PAMR1: variants seen among roughly 807,000 people sequenced by gnomAD.
The protein encoded by PAMR1 is peptidase domain containing associated with muscle regeneration 1, also known as inactive serine protease PAMR1.
A neutral mutation model predicts 81.8 loss-of-function variants in PAMR1; 88 were observed. The observed-to-expected ratio is 1.08, with a 90% CI of 0.91 to 1.28. The LOEUF is 1.28. PAMR1 is among the 50% of genes most tolerant of loss of function. The probability of loss-of-function intolerance (pLI) is 0.00; values close to 1 mark genes in which losing one functional copy is unlikely to be tolerated. For synonymous variants in PAMR1, 336 were observed against 345.3 expected, an observed-to-expected ratio of 0.97 and a Z score of 0.30; for missense variants, 935 against 919.7, an observed-to-expected ratio of 1.02 and a Z score of -0.21.
chr11:35,501,965 T>C (rs552565032), intron 1 of PAMR1, among the ~76,000 whole-genome samples: 3 of 152,300 alleles, frequency 2.0e-5, no homozygotes, highest in Non-Finnish European at 2.9e-5. Context: ...CTGGATCACA[T>C]GGTAGTTCTA....
intron 6 of PAMR1, among the ~76,000 whole-genome samples, chr11:35,455,694 A>T (rs1019014427): frequency 1.1e-4 from 16 of 152,120 alleles, no homozygotes; most frequent in African/African-American, 3.6e-4. Flanking sequence ...TTAACTATTG[A>T]TTTGATTCAT....
intron 7 of PAMR1, 103 bp downstream of exon 7, chr11:35,441,378 G>A: frequency 3.8e-6 from 3 of 790,834 alleles, no homozygotes; most frequent in Non-Finnish European, 6.4e-6. Flanking sequence ...GGACTTAAAA[G>A]AGAAAGGCAT....
chr11:35,527,869 T>A (rs577101253), upstream of PAMR1, among the ~76,000 whole-genome samples: 2 of 152,270 alleles, frequency 1.3e-5, no homozygotes, highest in South Asian at 4.1e-4. Flanking sequence ...ACCTTACTCC[T>A]AAACCACCAG....
chr11:35,513,390 C>A (rs1389363977), intron 1 of PAMR1: 2 of 152,172 alleles, frequency 1.3e-5, no homozygotes, highest in Non-Finnish European at 2.9e-5. Flanking sequence ...GTAGCAGAGA[C>A]AGGATTCAAA....
intron 9 of PAMR1, among the ~76,000 whole-genome samples, chr11:35,435,590 C>T (rs955439601): frequency 6.6e-6 from 1 of 152,066 alleles, no homozygotes; most frequent in Non-Finnish European, 1.5e-5. Flanking sequence ...AACAGGGTAG[C>T]CAAGATTATA....
intron 1 of PAMR1, among the ~76,000 whole-genome samples, 163 bp from the exon 2 acceptor site, chr11:35,494,435 G>A (rs1484569548): frequency 6.6e-6 from 1 of 152,180 alleles, no homozygotes; most frequent in African/African-American, 2.4e-5. Flanking sequence ...CCGGGTTCAC[G>A]CCATTCTCCT....
intron 5 of PAMR1, among the ~76,000 whole-genome samples, chr11:35,468,890 A>G (rs1249810376): frequency 1.3e-5 from 2 of 152,208 alleles, no homozygotes; most frequent in Non-Finnish European, 2.9e-5. Context: ...GTAGAAGTAT[A>G]TTCCTTGGCT....
chr11:35,438,282 G>C (rs1170890481), intron 8 of PAMR1, among the ~76,000 whole-genome samples: 1 of 152,100 alleles, frequency 6.6e-6, no homozygotes, highest in Non-Finnish European at 1.5e-5. Context: ...GTAATAAAAT[G>C]GTGATAACAA....
chr11:35,438,491 A>G (rs754806039), intron 8 of PAMR1, among the ~76,000 whole-genome samples: 2 of 152,238 alleles, frequency 1.3e-5, no homozygotes, highest in Non-Finnish European at 2.9e-5. Flanking sequence ...CAGCAGGTTT[A>G]GGAACTTGCC....
rs200076739 is a variant in PAMR1, at chr11:35,445,324, C to T, written c.821-3631G>A. On this transcript the variant is annotated intron_variant, in intron 6 of 10. Coordinates refer to ENST00000619888, the MANE Select transcript of PAMR1 (RefSeq NM_001001991.3). ...GACTTCCTCTCTTCCTGTCTGAATA[C>T]ACTTTATTTCTTTCTCTTGCCTGAT... Among the ~76,000 whole-genome samples, 9 of 152,288 alleles carry T rather than the reference C, an allele frequency of 5.9e-5. No homozygotes were observed. The East Asian group carries it at 1.2e-3, about 20-fold the overall frequency.
chr11:35,448,259 C>T (rs890498159), intron 6 of PAMR1, among the ~76,000 whole-genome samples: 1 of 152,152 alleles, frequency 6.6e-6, no homozygotes, highest in Admixed American at 6.5e-5. Flanking sequence ...CTCCATTCTC[C>T]CTGTCTCTTT....
intron 3 of PAMR1, among the ~76,000 whole-genome samples, chr11:35,481,706 A>T (rs1850396607): frequency 6.6e-6 from 1 of 152,140 alleles, no homozygotes; most frequent in African/African-American, 2.4e-5. Flanking sequence ...TGTTTTTAGT[A>T]GAGACAGGGT....
chr11:35,442,736 T>C (rs1263950818), intron 6 of PAMR1, among the ~76,000 whole-genome samples: 1 of 151,948 alleles, frequency 6.6e-6, no homozygotes, highest in Non-Finnish European at 1.5e-5. Context: ...CTTAGGCTAC[T>C]GAGTAGCTGG....
chr11:35,449,599 G>C (rs892552075), intron 6 of PAMR1, among the ~76,000 whole-genome samples: 5 of 152,194 alleles, frequency 3.3e-5, no homozygotes, highest in Non-Finnish European at 7.4e-5. Flanking sequence ...TGAAACCGCA[G>C]TGATGGCTGC....
At chr11:35,501,059 A>G (rs1184501232) in intron 1 of PAMR1, among the ~76,000 whole-genome samples, 1 of 152,172 alleles carries the variant, frequency 6.6e-6, no homozygotes, top group Non-Finnish European at 1.5e-5. Flanking sequence ...CACTCAATTT[A>G]TCAAAAATAT....
chr11:35,474,977 A>G (rs1259273165), intron 3 of PAMR1, among the ~76,000 whole-genome samples: 2 of 152,182 alleles, frequency 1.3e-5, no homozygotes, highest in Non-Finnish European at 2.9e-5. Flanking sequence ...TGTCCTCACA[A>G]TTTTCCAGCT....
chr11:35,434,587 T>C lies in PAMR1; in HGVS notation c.1551A>G (p.Thr517=), dbSNP rs200860773. The C allele has an allele frequency of 2.5e-6, 4 of 1,614,120 alleles. No individual in the cohort carries two copies. In the East Asian group the frequency reaches 8.9e-5, roughly 36 times the overall value. The part of the protein sequence containing the change: ...TDLGKVTMIK[T]ADLKVVLGKF... ...TCCCCAAAACAACTTTCAGGTCTGC[T>C]GTCTTGATCATGGTGACCTTCCCCA... The change falls in exon 10 of 11, where the codon ACA becomes ACG. Residue 517 remains threonine (T), a synonymous_variant. Coordinates refer to ENST00000619888, the MANE Select transcript of PAMR1 (RefSeq NM_001001991.3).
chr11:35,500,568 G>C (rs1236534118), intron 1 of PAMR1, among the ~76,000 whole-genome samples: 1 of 152,210 alleles, frequency 6.6e-6, no homozygotes, highest in Non-Finnish European at 1.5e-5. Flanking sequence ...GAGTGGTCAT[G>C]AAGGGGCATT....
intron 6 of PAMR1, among the ~76,000 whole-genome samples, chr11:35,453,584 G>C (rs917498051): frequency 6.6e-6 from 1 of 152,174 alleles, no homozygotes; most frequent in Non-Finnish European, 1.5e-5. Flanking sequence ...ACATCTACCT[G>C]GTGGGTACAT....
Sources: allele counts gnomAD v4.1 joint callset (sites outside exome capture counted in the v4.1 genomes callset), GRCh38; gene constraint gnomAD v4.1.1; transcripts MANE v1.5; gene names NCBI Gene and HGNC (gene_info 2026-07-23, HGNC 2026-07-21).